The following MEGF6 variants were observed in gnomAD, a reference collection of about 807,000 sequenced individuals.
MEGF6 encodes the protein multiple EGF like domains 6.
In MEGF6, 184 loss-of-function variants were observed where a neutral mutation model predicts 207.1. That is an observed-to-expected ratio of 0.89 (90% CI 0.79 to 1.00). The LOEUF (loss-of-function observed/expected upper bound fraction) is 1.00, where lower values mean the gene tolerates loss of function less well. MEGF6 is among the 50% of genes least tolerant of loss of function. The probability of loss-of-function intolerance (pLI) is 0.00; values close to 1 mark genes in which losing one functional copy is unlikely to be tolerated. For synonymous variants in MEGF6, 1,038 were observed against 910.0 expected (o/e 1.14, Z -2.53); for missense variants, 2,282 against 2,202.9 (o/e 1.04, Z -0.72).
At chr1:3,611,042 C>T in intron 1 of MEGF6, 96 bp downstream of exon 1, 1 of 1,345,052 alleles carries the variant, frequency 7.4e-7, no homozygotes, top group Non-Finnish European at 9.6e-7. Context: ...TCTGGAGCCC[C>T]AGGGACAAAG....
chr1:3,523,630 G>T (rs1376398937), intron 5 of MEGF6, among the ~76,000 whole-genome samples: 1 of 152,180 alleles, frequency 6.6e-6, no homozygotes, highest in African/African-American at 2.4e-5. Flanking sequence ...TGGCTCTGCG[G>T]GCGAAGGGTG....
intron 3 of MEGF6, among the ~76,000 whole-genome samples, chr1:3,581,521 A>G (rs2101762903): frequency 6.6e-6 from 1 of 152,362 alleles, no homozygotes; most frequent in South Asian, 2.1e-4. Context: ...CCCGGGGCCC[A>G]GTAACAGGAA....
At position 3,500,743 on chromosome 1, in the gene MEGF6, C is replaced by A; in HGVS notation, c.2597G>T (p.Gly866Val). 1 of 1,603,346 alleles carries A rather than the reference C, an allele frequency of 6.2e-7. No individual in the cohort carries two copies. The highest frequency in any genetic ancestry group is 8.5e-7 in the Non-Finnish European group (1 of 1,175,654). The change falls in exon 21 of 37, where the codon GGA (glycine) becomes GTA (valine). Residue 866 changes from glycine to valine, a missense_variant. Coordinates refer to ENST00000356575, the MANE Select transcript of MEGF6 (RefSeq NM_001409.4). ...CQRACDTGHW[G>V]PDCSHPCNCS... ...GTTGCAGGGGTGGCTGCAGTCAGGT[C>A]CCCAGTGCCCAGTATCACAGGCTGC... is the stretch of plus-strand genomic sequence containing the variant.
rs1185296096 is a variant in MEGF6 at position 3,499,596 on chromosome 1, C to G, written c.2957G>C (p.Cys986Ser). 6.3e-7 allele frequency: 1 copy of G among 1,579,684 alleles called. No individual in the cohort carries two copies. The change falls in exon 23 of 37, where the codon TGT becomes TCT. Residue 986 changes from cysteine to serine, a missense_variant. Physicochemically the swap from Cys to Ser is moderately radical, Grantham distance 112. Transcript: ENST00000356575. ...GCAGGGACCTCACGCACTCTCGGCA[C>G]AGCGGGGGCCCCGGCGGCCAGCGGG... ...LCPAGRRGPR[C>S]AETCPAHTYG...
intron 13 of MEGF6, 82 bp from the exon 14 acceptor site, chr1:3,508,005 T>C: frequency 6.6e-7 from 1 of 1,505,566 alleles, no homozygotes; most frequent in South Asian, 1.3e-5. Flanking sequence ...GAGGCTTGGG[T>C]TTAGAAGCAG....
intron 7 of MEGF6, among the ~76,000 whole-genome samples, chr1:3,513,986 C>T (rs920867304): frequency 3.2e-4 from 49 of 152,008 alleles, no homozygotes; most frequent in African/African-American, 1.2e-3. Flanking sequence ...CAGTGGCTCA[C>T]GCCTGTAATC....
intron 5 of MEGF6, among the ~76,000 whole-genome samples, chr1:3,523,081 G>GC (rs1002971876): frequency 2.0e-5 from 3 of 152,076 alleles, no homozygotes; most frequent in East Asian, 3.9e-4. Flanking sequence ...TGCCGGGGGG[G>GC]GGGCCCCAGG....
chr1:3,525,884 G>T (rs1641942963), intron 4 of MEGF6, among the ~76,000 whole-genome samples: 1 of 152,214 alleles, frequency 6.6e-6, no homozygotes, highest in African/African-American at 2.4e-5. Flanking sequence ...TGGGCCTCGG[G>T]GGAATCCAGG....
Position 3,508,705 on chromosome 1 carries a change from G to A in MEGF6, c.1529-16C>T, listed in dbSNP as rs745728046. The stretch of plus-strand genomic sequence containing the variant: ...TCCAGGCAGACTGGGGGCAGACCAG[G>A]ATGGGGGGATTCAGAGCCTGACCCC... On this transcript the variant is annotated splice_polypyrimidine_tract_variant and intron_variant, in intron 12 of 36. Transcript: ENST00000356575. 47 of 1,611,840 alleles carry A rather than the reference G, an allele frequency of 2.9e-5. No individual in the cohort carries two copies. Among genetic ancestry groups the A allele is most frequent in the Non-Finnish European group, 3.4e-5 (40 of 1,179,286 alleles).
chr1:3,511,727 T>G (rs759275977), intron 8 of MEGF6, 40 bp from the exon 9 acceptor site: 1 of 1,581,546 alleles, frequency 6.3e-7, no homozygotes, highest in Non-Finnish European at 8.6e-7. Flanking sequence ...GGATGGCGGC[T>G]AGGATGACCC....
chr1:3,586,314 T>C (rs1454971192), intron 3 of MEGF6, among the ~76,000 whole-genome samples: 2 of 152,236 alleles, frequency 1.3e-5, no homozygotes, highest in African/African-American at 4.8e-5. Context: ...ATGTGGCGTG[T>C]GGCCTTGTGC....
At chr1:3,555,903 A>G (rs1283714585) in intron 4 of MEGF6, among the ~76,000 whole-genome samples, 1 of 152,194 alleles carries the variant, frequency 6.6e-6, no homozygotes, top group East Asian at 1.9e-4. Flanking sequence ...TGCCCCAAAT[A>G]AGTCTCCAAC....
intron 35 of MEGF6, among the ~76,000 whole-genome samples, chr1:3,492,100 GCCTGC>G (rs1422908763): frequency 3.3e-5 from 5 of 152,022 alleles, no homozygotes; most frequent in Admixed American, 2.6e-4. Flanking sequence ...ACGCACAGGT[GCCTGC>G]TGCCCGTGCA....
chr1:3,497,419 C>G, intron 26 of MEGF6, 58 bp from the exon 27 acceptor site: 1 of 1,464,104 alleles, frequency 6.8e-7, no homozygotes, highest in Non-Finnish European at 9.0e-7. Flanking sequence ...GATCTGTGGG[C>G]CAGGACAGGC....
intron 17 of MEGF6, among the ~76,000 whole-genome samples, chr1:3,504,174 G>C (rs373740548): frequency 6.6e-6 from 1 of 152,094 alleles, no homozygotes; most frequent in Non-Finnish European, 1.5e-5. Context: ...CGGGCTTCTC[G>C]CTCTCTCCAG....
chr1:3,542,894 G>A (rs1189376197), intron 4 of MEGF6, among the ~76,000 whole-genome samples: 1 of 152,224 alleles, frequency 6.6e-6, no homozygotes, highest in East Asian at 1.9e-4. Flanking sequence ...GGCAGCCCGG[G>A]CAGGAGCTCT....
intron 4 of MEGF6, among the ~76,000 whole-genome samples, chr1:3,566,334 G>T (rs1438777605): frequency 3.3e-5 from 5 of 152,210 alleles, no homozygotes; most frequent in African/African-American, 1.2e-4. Context: ...CATGGGTATC[G>T]CCCCAGGAAT....
intron 4 of MEGF6, among the ~76,000 whole-genome samples, chr1:3,563,557 G>A (rs2101654402): frequency 6.6e-6 from 1 of 152,332 alleles, no homozygotes; most frequent in Middle Eastern, 3.4e-3. Flanking sequence ...CTGGCACCCG[G>A]GAAAGGCCAG....
At chr1:3,509,045 G>A in intron 12 of MEGF6, 30 bp downstream of exon 12, 7 of 1,504,524 alleles carry the variant, frequency 4.7e-6, no homozygotes, top group African/African-American at 1.4e-5. Context: ...CCTGCGAGCA[G>A]GAGCCCCCGG....
Sources: allele counts gnomAD v4.1 joint callset (sites outside exome capture counted in the v4.1 genomes callset), GRCh38; gene constraint gnomAD v4.1.1; transcripts MANE v1.5; gene names NCBI Gene and HGNC (gene_info 2026-07-23, HGNC 2026-07-21).